PRDM16: variants seen among roughly 807,000 people sequenced by gnomAD.
The protein encoded by PRDM16 is histone-lysine N-methyltransferase PRDM16.
Under a neutral mutation model 110.6 loss-of-function variants are expected in PRDM16, and 23 were observed. The ratio of observed to expected loss-of-function variants is 0.21; its 90% CI spans 0.15 to 0.29. The LOEUF (loss-of-function observed/expected upper bound fraction) is 0.29. PRDM16 is among the 10% of genes least tolerant of loss of function. PRDM16 has a pLI of 1.00. For synonymous variants in PRDM16, 799 were observed against 781.8 expected, an observed-to-expected ratio of 1.02 and a Z score of -0.37; for missense variants, 1,615 against 1,794.3, an observed-to-expected ratio of 0.90 and a Z score of 1.81.
chr1:3,275,631 G>A (rs1407924302), intron 3 of PRDM16, among the ~76,000 whole-genome samples: 1 of 152,172 alleles, frequency 6.6e-6, no homozygotes, highest in Non-Finnish European at 1.5e-5. Flanking sequence ...CGCCAGAGCC[G>A]GTCCTGCCCA....
intron 2 of PRDM16, among the ~76,000 whole-genome samples, chr1:3,230,013 A>G (rs1034644389): frequency 2.0e-5 from 3 of 152,096 alleles, no homozygotes; most frequent in African/African-American, 7.2e-5. Flanking sequence ...TTGCATGAAC[A>G]CTCTGTGCAC....
intron 1 of PRDM16, among the ~76,000 whole-genome samples, chr1:3,145,458 G>A (rs530727366): frequency 1.3e-5 from 2 of 152,288 alleles, no homozygotes; most frequent in East Asian, 1.9e-4. Flanking sequence ...AAGGAGGAAC[G>A]GGGCCTTGGA....
chr1:3,302,240 G>T (rs1479870527), intron 3 of PRDM16, among the ~76,000 whole-genome samples: 1 of 152,132 alleles, frequency 6.6e-6, no homozygotes, highest in Non-Finnish European at 1.5e-5. Context: ...ATTTCCCGGG[G>T]TTGGTTCCAG....
intron 2 of PRDM16, among the ~76,000 whole-genome samples, chr1:3,241,413 A>T (rs766624999): frequency 6.6e-6 from 1 of 152,252 alleles, no homozygotes; most frequent in Non-Finnish European, 1.5e-5. Context: ...CAGAGGATCC[A>T]GAGAGACAGC....
intron 3 of PRDM16, among the ~76,000 whole-genome samples, chr1:3,269,205 G>A (rs1275830094): frequency 1.3e-5 from 2 of 152,266 alleles, no homozygotes; most frequent in Non-Finnish European, 2.9e-5. Context: ...GGCAGTGGCT[G>A]GGGTACCAGA....
chr1:3,304,044 G>A (rs1250838739), intron 3 of PRDM16, among the ~76,000 whole-genome samples: 2 of 149,268 alleles, frequency 1.3e-5, no homozygotes, highest in African/African-American at 5.0e-5. Flanking sequence ...AAGCCCTGGT[G>A]TGCATGCTGG....
chr1:3,263,143 G>A (rs1501611), intron 3 of PRDM16, among the ~76,000 whole-genome samples: 6,114 of 152,222 alleles, frequency 0.04, 148 homozygotes, highest in Middle Eastern at 0.092. Context: ...CACCCCGCAC[G>A]GGTCTCAGGC....
At chr1:3,420,382 C>G (rs1638393441) in intron 12 of PRDM16, among the ~76,000 whole-genome samples, 1 of 152,254 alleles carries the variant, frequency 6.6e-6, no homozygotes, top group Non-Finnish European at 1.5e-5. Flanking sequence ...CATGCCCGCC[C>G]CAGTGTGAGC....
chr1:3,325,604 A>T (rs1641870741), intron 3 of PRDM16, among the ~76,000 whole-genome samples: 1 of 152,226 alleles, frequency 6.6e-6, no homozygotes, highest in South Asian at 2.1e-4. Flanking sequence ...GCTTCAAACC[A>T]CACACTGTGT....
chr1:3,239,397 C>T (rs973079105), intron 2 of PRDM16, among the ~76,000 whole-genome samples: 5 of 151,962 alleles, frequency 3.3e-5, no homozygotes, highest in African/African-American at 9.7e-5. Context: ...AACCCTGAGC[C>T]CCTCGACCCC....
At chr1:3,155,466 C>T (rs1187055942) in intron 1 of PRDM16, among the ~76,000 whole-genome samples, 1 of 152,184 alleles carries the variant, frequency 6.6e-6, no homozygotes, top group East Asian at 1.9e-4. Context: ...CCGTGGTGTT[C>T]TCTGAGGGAG....
At chr1:3,374,377 C>T (rs555944647) in intron 3 of PRDM16, among the ~76,000 whole-genome samples, 10 of 152,344 alleles carry the variant, frequency 6.6e-5, no homozygotes, top group Non-Finnish European at 1.2e-4. Context: ...CTGGGATCCC[C>T]GTTACAGAAA....
At chr1:3,313,607 C>A (rs1224940886) in intron 3 of PRDM16, among the ~76,000 whole-genome samples, 7 of 152,246 alleles carry the variant, frequency 4.6e-5, no homozygotes, top group Admixed American at 1.3e-4. Context: ...CTCCCAGCCC[C>A]TCACCTGCGC....
rs552321668 is a variant in PRDM16, at chr1:3,358,011, A to G, written c.439-27141A>G. On this transcript the variant is annotated intron_variant, in intron 3 of 16. Transcript: ENST00000270722. This position sits in a 1 kb window ranked among gnomAD's most constrained non-coding sequence, Gnocchi z 4.0. ...GAGCCTTGCTGTGCCCTTCACTGAC[A>G]TGCTCGCCCATGAGCTGAGTCTGCC... Among the ~76,000 whole-genome samples the G allele has an allele frequency of 7.5e-4, 115 of 152,336 alleles. No homozygotes were observed. The highest frequency in any genetic ancestry group is 2.6e-3 in the African/African-American group (109 of 41,584).
chr1:3,216,915 T>A (rs968165171), intron 2 of PRDM16, among the ~76,000 whole-genome samples: 3 of 152,220 alleles, frequency 2.0e-5, no homozygotes, highest in African/African-American at 7.2e-5. Flanking sequence ...TCCTGGTCCC[T>A]CCCTGGGCCA....
rs1001743252 is a variant in PRDM16 at position 3,143,237 on chromosome 1, A to T, written c.38-42888A>T. ...GGCTCTGATTTTTGCTGGCTGAGAC[A>T]CAGGGACCCCTGGGTGTGCGGGACC... On this transcript the variant is annotated intron_variant, in intron 1 of 16. Coordinates refer to ENST00000270722, the MANE Select transcript of PRDM16 (RefSeq NM_022114.4). The surrounding 1 kb of genome is among the most constrained non-coding windows in gnomAD (Gnocchi z 4.5). 5.9e-5 allele frequency among the ~76,000 whole-genome samples: 9 copies of T among 152,064 alleles called. No individual in the cohort carries two copies. The highest frequency in any genetic ancestry group is 5.2e-4 in the Admixed American group (8 of 15,276).
At chr1:3,317,279 C>G (rs779738517) in intron 3 of PRDM16, among the ~76,000 whole-genome samples, 7 of 152,200 alleles carry the variant, frequency 4.6e-5, no homozygotes, top group Non-Finnish European at 7.3e-5. Context: ...ACCTTACTGT[C>G]TCTTACCTGG....
At chr1:3,331,380 A>C (rs1642039037) in intron 3 of PRDM16, among the ~76,000 whole-genome samples, 1 of 152,172 alleles carries the variant, frequency 6.6e-6, no homozygotes. Context: ...CCCTCTCTGC[A>C]GAGAACACAG....
intron 1 of PRDM16, among the ~76,000 whole-genome samples, chr1:3,087,196 G>T (rs1264565308): frequency 4.7e-5 from 6 of 128,242 alleles, no homozygotes; most frequent in African/African-American, 1.8e-4. Flanking sequence ...AGCCCCACCC[G>T]AGACCAGCCC....
Sources: allele counts gnomAD v4.1 joint callset (sites outside exome capture counted in the v4.1 genomes callset), GRCh38; gene constraint gnomAD v4.1.1; non-coding constraint Gnocchi (gnomAD v3.1); transcripts MANE v1.5; gene names NCBI Gene and HGNC (gene_info 2026-07-23, HGNC 2026-07-21).